CORO2A: variants seen among roughly 807,000 people sequenced by gnomAD.
CORO2A encodes the protein coronin 2A.
Under a neutral mutation model 62.4 loss-of-function variants are expected in CORO2A, and 47 were observed. That is an observed-to-expected ratio of 0.75 (90% confidence interval 0.60 to 0.96). The LOEUF is 0.96. Ranked by LOEUF, CORO2A falls within the 40% of genes least tolerant of loss-of-function variation. CORO2A has a pLI of 0.00. For missense variants in CORO2A, 610 were observed against 684.1 expected (o/e 0.89, Z 1.21); for synonymous variants, 273 against 268.9 (o/e 1.02, Z -0.15).
chr9:98,159,384 C>T (rs1028569811), intron 1 of CORO2A, among the ~76,000 whole-genome samples: 11 of 152,122 alleles, frequency 7.2e-5, no homozygotes, highest in Non-Finnish European at 1.6e-4. Context: ...TCATTGCTGC[C>T]CTACAGGATC....
chr9:98,124,849 C>T lies in CORO2A; in HGVS notation c.1503G>A (p.Leu501=). ...QEEIRRLREL[L]TQREVQAKQL... ...GTTTGGCCTGGACCTCTCGCTGGGT[C>T]AACAGCTCCCGGAGCCTTCGGATCT... The change falls in exon 12 of 12, where the codon TTG becomes TTA. Residue 501 remains leucine, a synonymous_variant. Transcript: ENST00000375077. 6.3e-7 allele frequency: 1 copy of T among 1,599,754 alleles called. No individual in the cohort carries two copies. Among genetic ancestry groups the T allele is most frequent in the Non-Finnish European group, 8.5e-7 (1 of 1,171,810 alleles).
rs753606061 is a variant in CORO2A, at chr9:98,137,599, C to A, written c.291G>T (p.Glu97Asp). 6.2e-7 allele frequency: 1 copy of A among 1,614,214 alleles called. No homozygotes were observed. Among genetic ancestry groups the A allele is most frequent in the South Asian group, 1.1e-5 (1 of 91,080 alleles). ...DVKWNPFDDF[E>D]IASCSEDATI... The stretch of plus-strand genomic sequence containing the variant: ...TGGCATCTTCAGAACAGGAGGCGAT[C>A]TCAAAATCATCAAAAGGGTTCCACT... Residue 97 changes from glutamate (E) to aspartate (D), a missense_variant, in exon 3 of 12, where the codon GAG becomes GAT. Transcript: ENST00000375077.
At chr9:98,140,342 A>AT (rs1313641760) in intron 2 of CORO2A, among the ~76,000 whole-genome samples, 3 of 151,836 alleles carry the variant, frequency 2.0e-5, no homozygotes, top group South Asian at 2.1e-4. Flanking sequence ...TAGTCTTGGG[A>AT]TTTTTTCTAG....
intron 2 of CORO2A, among the ~76,000 whole-genome samples, chr9:98,155,364 T>TTTC (rs1827788420): frequency 7.3e-6 from 1 of 137,114 alleles, no homozygotes; most frequent in Non-Finnish European, 1.6e-5. Context: ...TTTTTTTTTT[T>TTTC]GAGATGGAGT....
intron 2 of CORO2A, among the ~76,000 whole-genome samples, chr9:98,142,231 C>T (rs1158551145): frequency 6.6e-6 from 1 of 152,216 alleles, no homozygotes; most frequent in African/African-American, 2.4e-5. Context: ...GAATGGATCC[C>T]AGCACCCTCT....
chr9:98,144,919 C>T (rs1418892778), intron 2 of CORO2A, among the ~76,000 whole-genome samples: 1 of 152,062 alleles, frequency 6.6e-6, no homozygotes, highest in African/African-American at 2.4e-5. Context: ...ATAGGTGAGC[C>T]ATGTCCTGAC....
intron 1 of CORO2A, among the ~76,000 whole-genome samples, chr9:98,165,374 T>C (rs1214541797): frequency 1.3e-5 from 2 of 152,164 alleles, no homozygotes; most frequent in Non-Finnish European, 2.9e-5. Flanking sequence ...AACCATAGAA[T>C]AGAAATTTCA....
Position 98,169,461 on chromosome 9 carries a change from T to C in CORO2A, c.1-11801A>G, listed in dbSNP as rs367759405. 2.3e-4 allele frequency among the ~76,000 whole-genome samples: 34 copies of C among 148,642 alleles called. No individual in the cohort carries two copies. The South Asian group carries it at 5.4e-3, about 24-fold the overall frequency. ...TGCTCTCTACCCCTCTCCCAGGCCA[T>C]GCCAAGGCCTCAGCAGCCTTCTCTC... On this transcript the variant is annotated intron_variant, in intron 1 of 11. Transcript: ENST00000375077.
At position 98,158,250 on chromosome 9, in the gene CORO2A, A is replaced by G. The variant is rs570009581; in HGVS notation, c.1-590T>C. ...TGATTGAGCCCAGGAGTTCAAATGT[A>G]GCCTGGGCAACACAGTGAGACCCTG... is the stretch of plus-strand genomic sequence containing the variant. On this transcript the variant is annotated intron_variant, in intron 1 of 11. Transcript: ENST00000375077. Among the ~76,000 whole-genome samples, 3 of 152,068 alleles carry G rather than the reference A, an allele frequency of 2.0e-5. No individual in the cohort carries two copies. The East Asian group carries it at 5.8e-4, about 29-fold the overall frequency.
chr9:98,147,201 T>C (rs1005164295), intron 2 of CORO2A, among the ~76,000 whole-genome samples: 3 of 151,924 alleles, frequency 2.0e-5, no homozygotes, highest in African/African-American at 7.3e-5. Flanking sequence ...AAGTGGCATG[T>C]ATGAGGCAAC....
At chr9:98,189,878 A>G (rs1281786225) in intron 1 of CORO2A, among the ~76,000 whole-genome samples, 1 of 121,146 alleles carries the variant, frequency 8.3e-6, no homozygotes. Context: ...ACTAGACGGC[A>G]ACTCCTTTAT....
intron 2 of CORO2A, among the ~76,000 whole-genome samples, chr9:98,143,152 G>A (rs1256361579): frequency 6.6e-6 from 1 of 152,216 alleles, no homozygotes; most frequent in Non-Finnish European, 1.5e-5. Context: ...GGCTTGGGCC[G>A]CCCTGCCTGG....
chr9:98,141,645 C>A (rs935601303), intron 2 of CORO2A, among the ~76,000 whole-genome samples: 2 of 152,200 alleles, frequency 1.3e-5, no homozygotes, highest in African/African-American at 4.8e-5. Context: ...TGAGCCACTG[C>A]GCCCAGCTGC....
At chr9:98,188,585 C>T (rs538964093) in intron 1 of CORO2A, among the ~76,000 whole-genome samples, 6 of 152,064 alleles carry the variant, frequency 3.9e-5, no homozygotes, top group East Asian at 1.9e-4. Flanking sequence ...GCCAACATGG[C>T]GAAACACCGT....
At chr9:98,156,160 C>T (rs1422080631) in intron 2 of CORO2A, among the ~76,000 whole-genome samples, 1 of 151,442 alleles carries the variant, frequency 6.6e-6, no homozygotes, top group Non-Finnish European at 1.5e-5. Context: ...TGACCTCAGC[C>T]TCCTAAGTAG....
intron 1 of CORO2A, chr9:98,172,735 C>T (rs1032117378): frequency 2.6e-5 from 4 of 152,190 alleles, no homozygotes; most frequent in Non-Finnish European, 5.9e-5. Context: ...CTCTCTGCTT[C>T]CAGCCTCCAG....
chr9:98,138,186 G>A (rs538558852), intron 2 of CORO2A, among the ~76,000 whole-genome samples: 1 of 152,282 alleles, frequency 6.6e-6, no homozygotes, highest in East Asian at 1.9e-4. Context: ...AGGCCAAGGT[G>A]GGTGGATCAC....
In CORO2A at chr9:98,154,352, T is replaced by TATATATATATATATATATATATAC. The variant is rs71369555; in HGVS notation, c.201+3107_201+3108insGTATATATATATATATATATATAT. The stretch of plus-strand genomic sequence containing the variant: ...GTGTATATATATATATATATATATA[T>TATATATATATATATATATATATAC]ACACAAATACATATATATATATATT... On this transcript the variant is annotated intron_variant, in intron 2 of 11. Transcript: ENST00000375077. 7.5e-3 allele frequency among the ~76,000 whole-genome samples: 695 copies of TATATATATATATATATATATATAC among 93,116 alleles called. 18 individuals are homozygous for TATATATATATATATATATATATAC. The highest frequency in any genetic ancestry group is 9.2e-3 in the East Asian group (20 of 2,182). 61.1% of individuals were successfully genotyped at this position (93,116 alleles called of 152,430 possible). A position where few individuals can be genotyped will look rare whatever the true frequency, so the allele number is the denominator to read the frequency against.
chr9:98,140,953 A>G (rs1001358699), intron 2 of CORO2A, among the ~76,000 whole-genome samples: 2 of 152,164 alleles, frequency 1.3e-5, no homozygotes, highest in African/African-American at 4.8e-5. Flanking sequence ...TTATCACAAC[A>G]TTAAACTTAT....
Sources: allele counts gnomAD v4.1 joint callset (sites outside exome capture counted in the v4.1 genomes callset), GRCh38; gene constraint gnomAD v4.1.1; transcripts MANE v1.5; gene names NCBI Gene and HGNC (gene_info 2026-07-23, HGNC 2026-07-21).